The following PCSK2 variants were observed in gnomAD, a reference collection of about 807,000 sequenced individuals.
The protein encoded by PCSK2 is proprotein convertase subtilisin/kexin type 2.
Under a neutral mutation model 69.7 loss-of-function variants are expected in PCSK2, and 14 were observed. The ratio of observed to expected loss-of-function variants is 0.20; its 90% CI spans 0.13 to 0.31. PCSK2 has a LOEUF of 0.31. Among genes scored for constraint, PCSK2 ranks in the 10% least tolerant of loss-of-function variants. The pLI is 1.00. For synonymous variants in PCSK2, 307 were observed against 320.7 expected (o/e 0.96, Z 0.46); for missense variants, 544 against 842.5 (o/e 0.65, Z 4.39).
intron 5 of PCSK2, among the ~76,000 whole-genome samples, chr20:17,379,983 G>A (rs921803999): frequency 7.2e-5 from 11 of 152,248 alleles, no homozygotes; most frequent in East Asian, 1.9e-4. Flanking sequence ...AAGGAATGGC[G>A]GACTCCCTGG....
chr20:17,281,185 T>C (rs546189870), intron 2 of PCSK2, among the ~76,000 whole-genome samples: 2 of 152,308 alleles, frequency 1.3e-5, no homozygotes, highest in East Asian at 1.9e-4. Flanking sequence ...TGACTACCCA[T>C]CTATTAGGCA....
chr20:17,260,176 G>C, intron 1 of PCSK2, 64 bp from the exon 2 acceptor site: 4 of 1,000,708 alleles, frequency 4.0e-6, no homozygotes, highest in Non-Finnish European at 6.4e-6. Context: ...CCCAGCTTTG[G>C]TGTCCCTGTC....
At chr20:17,401,213 AG>A (rs1173703266) in intron 5 of PCSK2, among the ~76,000 whole-genome samples, 7 of 152,216 alleles carry the variant, frequency 4.6e-5, no homozygotes, top group African/African-American at 1.7e-4. Context: ...CAAGTTTTTT[AG>A]TCTGTTTGAG....
intron 7 of PCSK2, among the ~76,000 whole-genome samples, chr20:17,432,599 C>T (rs2032391074): frequency 6.6e-6 from 1 of 152,280 alleles, no homozygotes; most frequent in East Asian, 1.9e-4. Context: ...AAGTAAACAA[C>T]ATCTTCAATC....
Position 17,424,382 on chromosome 20 carries a change from C to A in PCSK2, c.621-5053C>A, listed in dbSNP as rs188101486. ...AAGTTCATAAAAATGTTCTGAACAG[C>A]AAATTTAGTACACTTGTTACCTCTG... On this transcript the variant is annotated intron_variant, in intron 6 of 11. Coordinates refer to ENST00000262545, the MANE Select transcript of PCSK2 (RefSeq NM_002594.5). Among the ~76,000 whole-genome samples, 1,397 of 152,224 alleles carry A rather than the reference C, an allele frequency of 9.2e-3. 15 individuals carry two copies. Among genetic ancestry groups the A allele is most frequent in the South Asian group, 0.038 (184 of 4,822 alleles).
At chr20:17,242,557 T>C (rs1005421647) in intron 1 of PCSK2, among the ~76,000 whole-genome samples, 1 of 152,246 alleles carries the variant, frequency 6.6e-6, no homozygotes, top group Non-Finnish European at 1.5e-5. Context: ...CTATTGCAAA[T>C]GTCTACTTTA....
At chr20:17,302,650 T>C (rs1371411462) in intron 2 of PCSK2, among the ~76,000 whole-genome samples, 1 of 152,186 alleles carries the variant, frequency 6.6e-6, no homozygotes, top group Admixed American at 6.5e-5. Flanking sequence ...TTTATCTTCA[T>C]GGGTAGACAG....
At chr20:17,292,863 G>C (rs1988744885) in intron 2 of PCSK2, among the ~76,000 whole-genome samples, 1 of 151,876 alleles carries the variant, frequency 6.6e-6, no homozygotes, top group African/African-American at 2.4e-5. Flanking sequence ...CTAGCTTTGG[G>C]GCCCAGGCTG....
chr20:17,451,795 A>ATT (rs933215113), intron 8 of PCSK2, among the ~76,000 whole-genome samples: 2 of 151,998 alleles, frequency 1.3e-5, no homozygotes, highest in African/African-American at 4.8e-5. Flanking sequence ...GATTTCCTTC[A>ATT]TTTTAGCAAA....
intron 2 of PCSK2, among the ~76,000 whole-genome samples, chr20:17,296,944 T>A (rs1455205628): frequency 6.6e-6 from 1 of 152,232 alleles, no homozygotes; most frequent in Non-Finnish European, 1.5e-5. Flanking sequence ...GAGAGCAGCA[T>A]ATCTAGAGAG....
At position 17,290,816 on chromosome 20, in the gene PCSK2, T is replaced by C. The variant is rs150850399; in HGVS notation, c.282+30472T>C. On this transcript the variant is annotated intron_variant, in intron 2 of 11. Transcript: ENST00000262545. ...CTGGAGGCTTGGAAGTCCGAGAGCATGGTGCTGGCATCTGGTGAGGACCTT... is the reference window on the plus strand; with the variant it reads ...CTGGAGGCTTGGAAGTCCGAGAGCACGGTGCTGGCATCTGGTGAGGACCTT... Among the ~76,000 whole-genome samples the C allele has an allele frequency of 6.1e-3, 932 of 152,292 alleles. 8 individuals carry two copies. Among genetic ancestry groups the C allele is most frequent in the Non-Finnish European group, 0.011 (757 of 68,014 alleles).
intron 11 of PCSK2, among the ~76,000 whole-genome samples, chr20:17,471,667 G>A (rs1175128261): frequency 3.3e-5 from 5 of 152,188 alleles, no homozygotes; most frequent in Admixed American, 6.5e-5. Context: ...AGTGCCCTCC[G>A]GTCCCTCGTC....
At chr20:17,442,755 G>C (rs549344285) in intron 8 of PCSK2, among the ~76,000 whole-genome samples, 16 of 152,318 alleles carry the variant, frequency 1.1e-4, no homozygotes, top group Admixed American at 5.9e-4. Flanking sequence ...CATGGAAATT[G>C]ACGAACACTA....
At chr20:17,280,300 T>C (rs1319870928) in intron 2 of PCSK2, among the ~76,000 whole-genome samples, 1 of 152,252 alleles carries the variant, frequency 6.6e-6, no homozygotes, top group African/African-American at 2.4e-5. Context: ...AATGTAGATA[T>C]ACTATGGTGG....
intron 1 of PCSK2, among the ~76,000 whole-genome samples, chr20:17,250,133 G>A (rs1005877931): frequency 6.6e-6 from 1 of 152,092 alleles, no homozygotes; most frequent in African/African-American, 2.4e-5. Flanking sequence ...AATAAACATT[G>A]ATATAATACT....
At chr20:17,270,069 A>T (rs1359622285) in intron 2 of PCSK2, among the ~76,000 whole-genome samples, 2 of 152,140 alleles carry the variant, frequency 1.3e-5, no homozygotes, top group African/African-American at 4.8e-5. Context: ...TAGCATAAGG[A>T]GACTATAAAG....
rs2031563163 is a variant in PCSK2 at position 17,398,489 on chromosome 20, A to T, written c.544-10774A>T. ...CAGTGAGGGATGATTGTGCCACTGC[A>T]TTCTAGCCTGGGTTACAGAGTGAGA... is the stretch of plus-strand genomic sequence containing the variant. On this transcript the variant is annotated intron_variant, in intron 5 of 11. Coordinates refer to ENST00000262545, the MANE Select transcript of PCSK2 (RefSeq NM_002594.5). Among the ~76,000 whole-genome samples the T allele has an allele frequency of 2.2e-5, 3 of 136,670 alleles. No individual in the cohort carries two copies. The South Asian group carries it at 7.2e-4, about 33-fold the overall frequency. 89.7% of individuals were successfully genotyped at this position (136,670 alleles called of 152,430 possible).
At chr20:17,325,832 T>C (rs867082363) in intron 2 of PCSK2, among the ~76,000 whole-genome samples, 65 of 151,412 alleles carry the variant, frequency 4.3e-4, no homozygotes, top group African/African-American at 1.3e-3. Context: ...GCATGTTCTT[T>C]TCAAGCCATT....
intron 5 of PCSK2, among the ~76,000 whole-genome samples, chr20:17,387,557 C>T (rs944262439): frequency 7.2e-5 from 11 of 152,330 alleles, no homozygotes; most frequent in South Asian, 4.1e-4. Context: ...TGAGCATCCT[C>T]ATGACATGAT....
Sources: gnomAD v4.1 joint callset for allele counts (sites outside exome capture counted in the v4.1 genomes callset) on GRCh38, gnomAD v4.1.1 for gene constraint, MANE v1.5 for transcripts, NCBI Gene and HGNC (gene_info 2026-07-23, HGNC 2026-07-21) for gene names.